BLTP2: variants seen among roughly 807,000 people sequenced by gnomAD.
BLTP2 encodes the protein U937-associated antigen.
chr17:28,640,095 TA>T, the BLTP2 span: 2 of 1,566,910 alleles, frequency 1.3e-6, no homozygotes, highest in Non-Finnish European at 1.7e-6. Flanking sequence ...TTTTATTTTT[TA>T]AAAGTAATTA....
the BLTP2 span, chr17:28,644,859 C>T: frequency 2.7e-6 from 2 of 745,054 alleles, no homozygotes; most frequent in Non-Finnish European, 4.4e-6. Context: ...CGCGCCCCCT[C>T]CCTCCACCCT....
the BLTP2 span, chr17:28,642,049 C>T: frequency 1.9e-6 from 3 of 1,614,012 alleles, no homozygotes; most frequent in African/African-American, 2.7e-5. Context: ...GGTCCAGGGC[C>T]AGTGAAAGCT....
At chr17:28,642,763 C>T in the BLTP2 span, 2 of 703,696 alleles carry the variant, frequency 2.8e-6, no homozygotes, top group Non-Finnish European at 5.1e-6. Context: ...ATCTTAGCAT[C>T]TCCTCCAACT....
chr17:28,643,439 C>G, the BLTP2 span: 2 of 1,409,458 alleles, frequency 1.4e-6, no homozygotes, highest in African/African-American at 2.8e-5. Flanking sequence ...AGTTTCATAG[C>G]AGTTATCAAT....
chr17:28,643,412 C>T, the BLTP2 span: 2 of 1,500,440 alleles, frequency 1.3e-6, no homozygotes, highest in South Asian at 2.3e-5. Flanking sequence ...AGAAATATAG[C>T]TCAAATCACA....
chr17:28,636,914 C>A, the BLTP2 span: 4 of 1,389,206 alleles, frequency 2.9e-6, no homozygotes, highest in Non-Finnish European at 3.1e-6. Flanking sequence ...GAGAAAGGCT[C>A]TAAGCTGAGG....
At chr17:28,619,953 C>G in the BLTP2 span, 1 of 1,614,120 alleles carries the variant, frequency 6.2e-7, no homozygotes, top group Non-Finnish European at 8.5e-7. Context: ...TGCTGCGTTG[C>G]TCCTCTGGAT....
At chr17:28,614,491 T>G in the BLTP2 span, 1 of 289,658 alleles carries the variant, frequency 3.5e-6, no homozygotes, top group East Asian at 8.6e-5. Flanking sequence ...CATTTTGCCA[T>G]TCTCCAGGGT....
chr17:28,629,510 C>G, the BLTP2 span, among the ~76,000 whole-genome samples: 1 of 152,044 alleles, frequency 6.6e-6, no homozygotes, highest in South Asian at 2.1e-4. Context: ...CAGAGTCTCA[C>G]TCTTGTCGTC....
the BLTP2 span, chr17:28,634,004 A>G: frequency 1.2e-6 from 2 of 1,613,830 alleles, no homozygotes; most frequent in East Asian, 4.5e-5. Context: ...AAGGCTGACC[A>G]CTCTGCTCGG....
the BLTP2 span, among the ~76,000 whole-genome samples, chr17:28,637,515 A>G: frequency 1.3e-5 from 2 of 152,326 alleles, no homozygotes; most frequent in South Asian, 4.2e-4. Context: ...CCCTTAAGAA[A>G]TACCAAGAAG....
the BLTP2 span, chr17:28,631,409 T>C: frequency 3.5e-6 from 5 of 1,409,444 alleles, no homozygotes; most frequent in East Asian, 4.7e-5. Context: ...TATTTTGTTA[T>C]GGCAGCCCAA....
At chr17:28,615,941 A>G in the BLTP2 span, 1 of 1,060,526 alleles carries the variant, frequency 9.4e-7, no homozygotes. Flanking sequence ...TCAGCCTCGT[A>G]ATGATGCTGA....
At chr17:28,639,820 AAGG>A in the BLTP2 span, 2 of 1,546,680 alleles carry the variant, frequency 1.3e-6, no homozygotes, top group Non-Finnish European at 1.8e-6. Context: ...AGATTAGATT[AAGG>A]AGACCATATG....
the BLTP2 span, chr17:28,624,465 G>A: frequency 7.5e-7 from 1 of 1,339,486 alleles, no homozygotes; most frequent in African/African-American, 1.5e-5. Context: ...GAGCCAAATT[G>A]ATCTTCCCTC....
chr17:28,634,007 C>T, the BLTP2 span: 2 of 1,614,202 alleles, frequency 1.2e-6, no homozygotes, highest in Non-Finnish European at 1.7e-6. Context: ...GCTGACCACT[C>T]TGCTCGGTGC....
chr17:28,634,498 T>C, the BLTP2 span: 4 of 1,593,488 alleles, frequency 2.5e-6, no homozygotes, highest in Non-Finnish European at 3.4e-6. Context: ...GGTCTGCAAA[T>C]AAAGGAAACA....
the BLTP2 span, chr17:28,642,428 G>A: frequency 2.1e-6 from 2 of 949,446 alleles, no homozygotes; most frequent in South Asian, 1.3e-5. Flanking sequence ...AAGGTGGGAG[G>A]ATCATGAGGT....
the BLTP2 span, chr17:28,615,009 C>T: frequency 1.3e-6 from 2 of 1,536,196 alleles, no homozygotes; most frequent in South Asian, 2.4e-5. Flanking sequence ...CCCCACAAGT[C>T]CCTGGAGCCT....
Sources: allele counts gnomAD v4.1 joint callset (sites outside exome capture counted in the v4.1 genomes callset), GRCh38; gene constraint gnomAD v4.1.1; transcripts MANE v1.5; gene names NCBI Gene and HGNC (gene_info 2026-07-23, HGNC 2026-07-21).